The following SYNM variants were observed in gnomAD, a reference collection of about 807,000 sequenced individuals.
SYNM encodes synemin.
A neutral mutation model predicts 104.0 loss-of-function variants in SYNM; 95 were observed. The ratio of observed to expected loss-of-function variants is 0.91; its 90% CI spans 0.77 to 1.08. The LOEUF (loss-of-function observed/expected upper bound fraction) is 1.08, where lower values mean the gene tolerates loss of function less well. Among genes scored for constraint, SYNM ranks in the 50% least tolerant of loss-of-function variants. SYNM has a pLI of 0.00. For missense variants in SYNM, 2,150 were observed against 2,052.2 expected, an observed-to-expected ratio of 1.05 and a Z score of -0.92; for synonymous variants, 918 against 869.0, an observed-to-expected ratio of 1.06 and a Z score of -0.99.
chr15:99,129,919 C>A lies in SYNM; in HGVS notation c.1559C>A (p.Pro520Gln). ...AGACCAGAAACCATCCGAACAAAGC[C>A]AGAAGAGAAAATGTTCGATTCTAAA... ...RNRPETIRTK[P>Q]EEKMFDSKEK... Residue 520 changes from proline (P) to glutamine (Q), a missense_variant, in exon 4 of 4, where the codon CCA becomes CAA. By Grantham distance (76) the Pro-to-Gln change is moderately conservative (BLOSUM62 -1). Coordinates refer to ENST00000336292, the MANE Select transcript of SYNM (RefSeq NM_145728.3). The A allele has an allele frequency of 6.2e-7, 1 of 1,612,374 alleles. No homozygotes were observed. Among genetic ancestry groups the A allele is most frequent in the Non-Finnish European group, 8.5e-7 (1 of 1,179,074 alleles).
chr15:99,139,368 G>T, downstream of SYNM: 1 of 1,614,028 alleles, frequency 6.2e-7, no homozygotes, highest in East Asian at 2.2e-5. Context: ...TTTGTCCTGC[G>T]GTCCATATAA....
chr15:99,130,856 G>T lies in SYNM; in HGVS notation c.2496G>T (p.Val832=). 6.2e-7 allele frequency: 1 copy of T among 1,614,002 alleles called. No individual in the cohort carries two copies. The highest frequency in any genetic ancestry group is 1.7e-5 in the Admixed American group (1 of 60,034). The change falls in exon 4 of 4, where the codon GTG becomes GTT. Residue 832 remains valine, a synonymous_variant. Coordinates refer to ENST00000336292, the MANE Select transcript of SYNM (RefSeq NM_145728.3). ...CAGAGGGCGAGCAGAGTTATTTTGTGTCCACTCCAGATGAACACCCCGGGG... is the reference window on the plus strand; with the variant it reads ...CAGAGGGCGAGCAGAGTTATTTTGTTTCCACTCCAGATGAACACCCCGGGG... ...GDSEGEQSYF[V]STPDEHPGGH...
In SYNM at chr15:99,132,583, C is replaced by CTACCA. The variant is rs1269543504; in HGVS notation, c.4226_4227insCATAC (p.Glu1410IlefsTer31). 4 of 1,613,910 alleles carry CTACCA rather than the reference C, an allele frequency of 2.5e-6. No homozygotes were observed. The highest frequency in any genetic ancestry group is 3.4e-6 in the Non-Finnish European group (4 of 1,179,902). ...TCCTTTAGGCACATTCGACTAGGTC[C>CTACCA]TACAGAAACGGAAACCTCTGAACAC... On this transcript the variant is annotated frameshift_variant, in exon 4 of 4. Coordinates refer to ENST00000336292, the MANE Select transcript of SYNM (RefSeq NM_145728.3). LOFTEE classifies it high-confidence loss of function.
intron 2 of SYNM, among the ~76,000 whole-genome samples, chr15:99,121,205 C>G (rs918463806): frequency 1.3e-5 from 2 of 152,044 alleles, no homozygotes; most frequent in Admixed American, 1.3e-4. Context: ...GTGCAGGGGC[C>G]TTGAACGCTG....
Position 99,131,994 on chromosome 15 carries a change from G to A in SYNM, c.3634G>A (p.Ala1212Thr), listed in dbSNP as rs1273645367. Residue 1212 changes from alanine (A) to threonine (T), a missense_variant, in exon 4 of 4, where the codon GCA becomes ACA. Ala to Thr is a moderately conservative substitution (Grantham distance 58, BLOSUM62 0). Transcript: ENST00000336292. The surrounding 1 kb of genome is among the most constrained non-coding windows in gnomAD (Gnocchi z 4.3). ...AGAACCTGGCCCAGCAGAGTCTTCTGCAGATATGGACGGATCAGGGAGGCA... is the reference window on the plus strand; with the variant it reads ...AGAACCTGGCCCAGCAGAGTCTTCTACAGATATGGACGGATCAGGGAGGCA... Reference protein sequence around the residue: ...SPEPGPAESSADMDGSGRHST... With the variant: ...SPEPGPAESSTDMDGSGRHST... 6.2e-7 allele frequency: 1 copy of A among 1,613,886 alleles called. No homozygotes were observed. The highest frequency in any genetic ancestry group is 8.5e-7 in the Non-Finnish European group (1 of 1,179,914).
At chr15:99,107,200 T>G (rs2067254143) in intron 1 of SYNM, among the ~76,000 whole-genome samples, 1 of 152,200 alleles carries the variant, frequency 6.6e-6, no homozygotes, top group South Asian at 2.1e-4. Context: ...CTTTTCAAAG[T>G]GTTCTCTTGG....
At chr15:99,139,492 A>G (rs915465266), downstream of SYNM, 8 of 1,577,390 alleles carry the variant, frequency 5.1e-6, no homozygotes, top group African/African-American at 1.3e-5. Flanking sequence ...AGATGACCTC[A>G]TTCTTAGGCC....
At chr15:99,137,148 TCC>T (rs2067653867), downstream of SYNM, 1 of 152,318 alleles carries the variant, frequency 6.6e-6, no homozygotes. Flanking sequence ...GCACTGGATC[TCC>T]TCGTTGACAT....
In SYNM at chr15:99,133,119, T is replaced by G. The variant is rs2067530943; in HGVS notation, c.*61T>G. ...GGCGACGTGCCAACATCCAAAGGCC[T>G]TAACTTATTTTAAGAGGCCGAGGGA... On this transcript the variant is annotated 3_prime_UTR_variant, in exon 4 of 4. Transcript: ENST00000336292. The G allele has an allele frequency of 6.3e-7, 1 of 1,588,906 alleles. No individual in the cohort carries two copies. The highest frequency in any genetic ancestry group is 8.5e-7 in the Non-Finnish European group (1 of 1,173,990).
At position 99,131,449 on chromosome 15, in the gene SYNM, C is replaced by T. The variant is rs2151810724; in HGVS notation, c.3089C>T (p.Ala1030Val). 6.2e-7 allele frequency: 1 copy of T among 1,608,114 alleles called. No individual in the cohort carries two copies. The highest frequency in any genetic ancestry group is 2.2e-5 in the East Asian group (1 of 44,858). Residue 1030 changes from alanine (A) to valine (V), a missense_variant, in exon 4 of 4, where the codon GCT becomes GTT. By Grantham distance (64) the Ala-to-Val change is moderately conservative. Transcript: ENST00000336292. The surrounding 1 kb of genome is among the most constrained non-coding windows in gnomAD (Gnocchi z 4.3). ...SKDEASEMEK[A>V]VESVVRESLS... is the part of the protein sequence containing the mutation. The stretch of plus-strand genomic sequence containing the variant: ...GATGAGGCCAGTGAGATGGAGAAGG[C>T]TGTGGAGTCGGTGGTTCGGGAGAGC...
chr15:99,119,365 C>G (rs555759087), intron 2 of SYNM, among the ~76,000 whole-genome samples: 23 of 152,326 alleles, frequency 1.5e-4, no homozygotes, highest in Admixed American at 1.2e-3. Context: ...ACATACTGGA[C>G]CGAAGTTGGC....
chr15:99,120,820 CAG>C (rs2067393472), intron 2 of SYNM, among the ~76,000 whole-genome samples: 1 of 152,006 alleles, frequency 6.6e-6, no homozygotes, highest in Non-Finnish European at 1.5e-5. Context: ...TGAGCAGACA[CAG>C]AGGAGAGAGG....
chr15:99,105,785 C>G lies in SYNM; in HGVS notation c.586C>G (p.Arg196Gly). 1 of 1,540,828 alleles carries G rather than the reference C, an allele frequency of 6.5e-7. No homozygotes were observed. Among genetic ancestry groups the G allele is most frequent in the Non-Finnish European group, 8.7e-7 (1 of 1,144,726 alleles). ...CGCACTGCTGGTGGCCGAGTCGTGG[C>G]GGGAGACGGTGCAGCTGTACGAGGA... ...SYALLVAESW[R>G]ETVQLYEDEV... The change falls in exon 1 of 4, where the codon CGG (arginine) becomes GGG (glycine). Residue 196 changes from arginine (R) to glycine (G), a missense_variant. Physicochemically the swap from Arg to Gly is moderately radical, Grantham distance 125. Coordinates refer to ENST00000336292, the MANE Select transcript of SYNM (RefSeq NM_145728.3).
Position 99,105,663 on chromosome 15 carries a change from TGCGC to T in SYNM, c.473_476del (p.Arg158ProfsTer114). On this transcript the variant is annotated frameshift_variant, in exon 1 of 4. Coordinates refer to ENST00000336292, the MANE Select transcript of SYNM (RefSeq NM_145728.3). LOFTEE classifies it high-confidence loss of function. ...GCCCACGAACGCGACGTGAGGGAGC[TGCGC>T]GCGCGCGCCGCCAGCCTTACCATGC... 7.2e-7 allele frequency: 1 copy of T among 1,394,812 alleles called. No individual in the cohort carries two copies. The highest frequency in any genetic ancestry group is 9.3e-7 in the Non-Finnish European group (1 of 1,075,200). The allele number at this position is 1,394,812 out of a possible 1,614,324, so 86.4% of individuals were successfully genotyped here.
chr15:99,118,500 T>C (rs1175093385), intron 2 of SYNM, among the ~76,000 whole-genome samples: 2 of 152,206 alleles, frequency 1.3e-5, no homozygotes, highest in African/African-American at 2.4e-5. Context: ...ACTGTGGCTC[T>C]TTAATGCTTA....
At position 99,132,747 on chromosome 15, in the gene SYNM, C is replaced by T. The variant is rs113821939; in HGVS notation, c.4387C>T (p.Gln1463Ter). Residue 1463 changes from glutamine to a stop codon, truncating the protein, a stop_gained, in exon 4 of 4, where the codon CAG (glutamine) becomes TAG (stop). Transcript: ENST00000336292. LOFTEE classifies it high-confidence loss of function. ...PGPKETSFTF[Q>*]MDVSNVEAIR... ...GCCCAAAGAAACTTCGTTTACCTTT[C>T]AGATGGATGTGAGTAACGTAGAGGC... The T allele has an allele frequency of 6.2e-7, 1 of 1,613,908 alleles. No individual in the cohort carries two copies.
rs1596137533 is a variant in SYNM, at chr15:99,131,793, C to A, written c.3433C>A (p.Pro1145Thr). The A allele has an allele frequency of 1.8e-5, 29 of 1,613,966 alleles. No individual in the cohort carries two copies. The highest frequency in any genetic ancestry group is 2.5e-5 in the Non-Finnish European group (29 of 1,179,904). The change falls in exon 4 of 4, where the codon CCC (proline) becomes ACC (threonine). Residue 1145 changes from proline to threonine, a missense_variant. Pro to Thr is a conservative substitution (Grantham distance 38, BLOSUM62 -1). Transcript: ENST00000336292. The surrounding 1 kb of genome is among the most constrained non-coding windows in gnomAD (Gnocchi z 4.3). ...GACTGAGCGAATGTCATATGAAGGA[C>A]CCACTGCAGAAGTGGTGGAGGTAAG... is the stretch of plus-strand genomic sequence containing the variant. ...WRTERMSYEGPTAEVVEVSAG... is the reference protein window; with the variant it reads ...WRTERMSYEGTTAEVVEVSAG...
At chr15:99,116,014 C>T (rs1268356732) in intron 2 of SYNM, among the ~76,000 whole-genome samples, 1 of 152,260 alleles carries the variant, frequency 6.6e-6, no homozygotes, top group Non-Finnish European at 1.5e-5. Context: ...GTGAGGCCTT[C>T]CCAGGGACAT....
In SYNM at chr15:99,129,366, G is replaced by A. The variant is rs782348919; in HGVS notation, c.1007-1G>A. The A allele has an allele frequency of 6.2e-7, 1 of 1,608,544 alleles. No individual in the cohort carries two copies. The highest frequency in any genetic ancestry group is 1.1e-5 in the South Asian group (1 of 90,970). The stretch of plus-strand genomic sequence containing the variant: ...ATGAATGCTTTGTTCAATTTCTACA[G>A]AATTCAGAAACAAATCCTATCACTA... On this transcript the variant is annotated splice_acceptor_variant, in intron 3 of 3. Transcript: ENST00000336292. LOFTEE classifies it high-confidence loss of function.
Sources: gnomAD v4.1 joint callset for allele counts (sites outside exome capture counted in the v4.1 genomes callset) on GRCh38, gnomAD v4.1.1 for gene constraint, Gnocchi (gnomAD v3.1) non-coding constraint, MANE v1.5 for transcripts, NCBI Gene and HGNC (gene_info 2026-07-23, HGNC 2026-07-21) for gene names.